FDFT1: variants seen among roughly 807,000 people sequenced by gnomAD.
FDFT1 encodes farnesyl-diphosphate farnesyltransferase 1.
FDFT1 carries 68 observed loss-of-function variants against 46.8 expected under a neutral mutation model. The ratio of observed to expected loss-of-function variants is 1.45; its 90% CI spans 1.19 to 1.78. FDFT1 has a LOEUF of 1.78. Ranked by LOEUF, FDFT1 falls within the 40% of genes most tolerant of loss-of-function variation. The pLI, the probability that FDFT1 is intolerant of heterozygous loss-of-function variation, is 0.00. For synonymous variants in FDFT1, 351 were observed against 185.1 expected (o/e 1.90, Z -7.28); for missense variants, 928 against 524.4 (o/e 1.77, Z -7.52).
intron 4 of FDFT1, among the ~76,000 whole-genome samples, chr8:11,824,061 C>A (rs889789408): frequency 6.6e-6 from 1 of 152,008 alleles, no homozygotes; most frequent in African/African-American, 2.4e-5. Flanking sequence ...TGAGGTCTTG[C>A]TTTGTTGGCC....
At chr8:11,827,218 A>T (rs979042227) in intron 5 of FDFT1, among the ~76,000 whole-genome samples, 1 of 152,098 alleles carries the variant, frequency 6.6e-6, no homozygotes, top group South Asian at 2.1e-4. Context: ...TCTCATACTT[A>T]TAATCCCAGT....
chr8:11,824,937 G>T (rs188961353), intron 4 of FDFT1, among the ~76,000 whole-genome samples: 2,665 of 152,004 alleles, frequency 0.018, 81 homozygotes, highest in African/African-American at 0.06. Context: ...GGGTTTCACC[G>T]TCTTAGCCAG....
chr8:11,816,344 T>A (rs920518810), intron 3 of FDFT1, among the ~76,000 whole-genome samples: 25 of 152,324 alleles, frequency 1.6e-4, no homozygotes, highest in African/African-American at 5.5e-4. Context: ...TTGTCTTGGC[T>A]ATGCAGGCTC....
intron 4 of FDFT1, among the ~76,000 whole-genome samples, chr8:11,824,830 G>A (rs1013334804): frequency 4.6e-5 from 7 of 152,054 alleles, no homozygotes; most frequent in Non-Finnish European, 7.4e-5. Flanking sequence ...CCACCTCCTG[G>A]GTTCACGCCA....
intron 4 of FDFT1, among the ~76,000 whole-genome samples, chr8:11,822,452 T>G (rs1407297363): frequency 6.6e-6 from 1 of 152,206 alleles, no homozygotes; most frequent in East Asian, 1.9e-4. Flanking sequence ...AGCAGTTATC[T>G]TTGGAACTGC....
chr8:11,802,276 G>A, upstream of FDFT1: 3 of 384,102 alleles, frequency 7.8e-6, no homozygotes, highest in Admixed American at 3.2e-5. Flanking sequence ...GAGAGCGGCT[G>A]CAGAGCTCAC....
rs752177816 is a variant in FDFT1, at chr8:11,826,092, A to G, written c.579A>G (p.Glu193=). The G allele has an allele frequency of 1.2e-5, 20 of 1,610,086 alleles. No individual in the cohort carries two copies. The East Asian group carries it at 4.5e-4, about 36-fold the overall frequency. ...GTCTTTTCTCAGCCTCAGAGTTTGA[A>G]GACCCCTTAGTTGGTGAAGATACAG... ...LSRLFSASEF[E]DPLVGEDTER... The change falls in exon 5 of 8, where the codon GAA becomes GAG. Residue 193 remains glutamate, a synonymous_variant. Coordinates refer to ENST00000220584, the MANE Select transcript of FDFT1 (RefSeq NM_004462.5).
chr8:11,800,258 C>G (rs1368343614), upstream of FDFT1, among the ~76,000 whole-genome samples: 2 of 51,812 alleles, frequency 3.9e-5, no homozygotes, highest in African/African-American at 1.9e-4. Flanking sequence ...GAAATTCTGT[C>G]TCAAAAAAAA....
intron 3 of FDFT1, among the ~76,000 whole-genome samples, chr8:11,813,560 C>CT (rs1808024543): frequency 1.3e-5 from 2 of 152,274 alleles, no homozygotes; most frequent in East Asian, 3.9e-4. Context: ...ATCAATGAAT[C>CT]TGGAAGGTCT....
Position 11,838,821 on chromosome 8 carries a change from G to A in FDFT1, c.*212G>A, listed in dbSNP as rs1222501462. 6 of 570,120 alleles carry A rather than the reference G, an allele frequency of 1.1e-5. No homozygotes were observed. Among genetic ancestry groups the A allele is most frequent in the South Asian group, 3.9e-5 (2 of 50,894 alleles). 35.3% of individuals were successfully genotyped at this position (570,120 alleles called of 1,614,324 possible). On this transcript the variant is annotated 3_prime_UTR_variant, in exon 8 of 8. Coordinates refer to ENST00000220584, the MANE Select transcript of FDFT1 (RefSeq NM_004462.5). ...TCATCCCAGCAACCTGTCCTTGTGGGTGATGATCACTGTGCTGCTTGTGGC... is the reference window on the plus strand; with the variant it reads ...TCATCCCAGCAACCTGTCCTTGTGGATGATGATCACTGTGCTGCTTGTGGC...
Position 11,838,776 on chromosome 8 carries a change from A to C in FDFT1, c.*167A>C. ...TGAAATGCAGGTGAGAAGAACCTAA[A>C]CATGAAAGGAAAGGGTGCCTCATCC... On this transcript the variant is annotated 3_prime_UTR_variant, in exon 8 of 8. Coordinates refer to ENST00000220584, the MANE Select transcript of FDFT1 (RefSeq NM_004462.5). The C allele has an allele frequency of 1.6e-6, 1 of 630,242 alleles. No individual in the cohort carries two copies. Among genetic ancestry groups the C allele is most frequent in the Non-Finnish European group, 2.8e-6 (1 of 357,196 alleles). 39.0% of individuals were successfully genotyped at this position (630,242 alleles called of 1,614,324 possible). A position where few individuals can be genotyped will look rare whatever the true frequency, so the allele number is the denominator to read the frequency against.
chr8:11,830,360 C>T lies in FDFT1; in HGVS notation c.819C>T (p.Val273=). 1 of 1,613,872 alleles carries T rather than the reference C, an allele frequency of 6.2e-7. No homozygotes were observed. Among genetic ancestry groups the T allele is most frequent in the East Asian group, 2.2e-5 (1 of 44,882 alleles). Residue 273 remains valine, a synonymous_variant, in exon 6 of 8, where the codon GTC becomes GTT. Coordinates refer to ENST00000220584, the MANE Select transcript of FDFT1 (RefSeq NM_004462.5). The part of the protein sequence containing the change: ...ITNALHHIPD[V]ITYLSRLRNQ... ...ATGCACTGCACCACATCCCAGATGT[C>T]ATCACCTACCTTTCGAGACTCAGAA... is the stretch of plus-strand genomic sequence containing the variant.
At chr8:11,801,317 C>G (rs1480125155), upstream of FDFT1, among the ~76,000 whole-genome samples, 1 of 152,188 alleles carries the variant, frequency 6.6e-6, no homozygotes, top group Admixed American at 6.5e-5. Flanking sequence ...ACGTACCTGA[C>G]AGGTTTCCTG....
chr8:11,795,958 G>GT (rs1805517767), exon 1 of FDFT1: 1 of 152,302 alleles, frequency 6.6e-6, no homozygotes, highest in Admixed American at 6.5e-5. Flanking sequence ...CCTGAAGTCA[G>GT]TGAGACCAAG....
chr8:11,830,618 T>C (rs959260923), intron 6 of FDFT1, among the ~76,000 whole-genome samples, 198 bp downstream of exon 6: 2 of 152,228 alleles, frequency 1.3e-5, no homozygotes, highest in Admixed American at 1.3e-4. Context: ...TTAAGCCTGC[T>C]CCTTTTCAGA....
At chr8:11,830,777 A>G (rs900112454) in intron 6 of FDFT1, among the ~76,000 whole-genome samples, 1 of 152,176 alleles carries the variant, frequency 6.6e-6, no homozygotes, top group South Asian at 2.1e-4. Flanking sequence ...AGTCTTCATT[A>G]AGCACCTAAT....
At chr8:11,810,977 T>A (rs371018933) in intron 3 of FDFT1, among the ~76,000 whole-genome samples, 1 of 144,962 alleles carries the variant, frequency 6.9e-6, no homozygotes, top group South Asian at 2.2e-4. Flanking sequence ...TGGGGAAGAC[T>A]CTTGCGGTGC....
chr8:11,818,920 A>AT (rs746595285), intron 3 of FDFT1, among the ~76,000 whole-genome samples: 2 of 152,202 alleles, frequency 1.3e-5, no homozygotes, highest in Non-Finnish European at 2.9e-5. Context: ...TATTTTGCCC[A>AT]TTAATTGATG....
intron 2 of FDFT1, chr8:11,809,111 G>T (rs1293302): frequency 2.3e-6 from 3 of 1,285,368 alleles, no homozygotes; most frequent in East Asian, 3.0e-5. Flanking sequence ...GAGAAGAGGG[G>T]GGAGGGGGTG....
Sources: allele counts gnomAD v4.1 joint callset (sites outside exome capture counted in the v4.1 genomes callset), GRCh38; gene constraint gnomAD v4.1.1; transcripts MANE v1.5; gene names NCBI Gene and HGNC (gene_info 2026-07-23, HGNC 2026-07-21).